The following GUCY1A2 variants were observed in gnomAD, a reference collection of about 807,000 sequenced individuals.
GUCY1A2 encodes the protein guanylate cyclase soluble subunit alpha-2.
A neutral mutation model predicts 63.5 loss-of-function variants in GUCY1A2; 27 were observed. The observed-to-expected ratio is 0.43, with a 90% confidence interval of 0.31 to 0.59. The LOEUF is 0.59. Among genes scored for constraint, GUCY1A2 ranks in the 20% least tolerant of loss-of-function variants. The pLI is 0.11. For missense variants in GUCY1A2, 768 were observed against 913.3 expected (o/e 0.84, Z 2.05); for synonymous variants, 364 against 343.5 (o/e 1.06, Z -0.66).
Position 106,939,929 on chromosome 11 carries a change from A to C in GUCY1A2, c.737T>G (p.Val246Gly). Residue 246 changes from valine (V) to glycine (G), a missense_variant, in exon 4 of 8, where the codon GTG (valine) becomes GGG (glycine). By Grantham distance (109) the Val-to-Gly change is moderately radical. Around this residue, in one of 3 missense-constraint regions of GUCY1A2, gnomAD observed 496 missense variants for 486.9 expected, o/e 1.02. Transcript: ENST00000526355. Reference protein sequence around the residue: ...MLHYFHPHHIVGFAMLGMIKA... With the variant: ...MLHYFHPHHIGGFAMLGMIKA... ...AATCATCCCCAGCATTGCAAACCCCACAATATGGTGAGGGTGGAAGTAGTG... is the reference window on the plus strand; with the variant it reads ...AATCATCCCCAGCATTGCAAACCCCCCAATATGGTGAGGGTGGAAGTAGTG... 6.2e-7 allele frequency: 1 copy of C among 1,613,794 alleles called. No homozygotes were observed. The highest frequency in any genetic ancestry group is 8.5e-7 in the Non-Finnish European group (1 of 1,179,802).
intron 4 of GUCY1A2, among the ~76,000 whole-genome samples, chr11:106,869,821 GCACTAC>G (rs1859648956): frequency 6.6e-6 from 1 of 152,140 alleles, no homozygotes; most frequent in Non-Finnish European, 1.5e-5. Flanking sequence ...GTTTATTGCA[GCACTAC>G]TCACAACAGC....
intron 4 of GUCY1A2, among the ~76,000 whole-genome samples, chr11:106,862,372 A>G (rs1405530424): frequency 6.6e-6 from 1 of 152,026 alleles, no homozygotes; most frequent in African/African-American, 2.4e-5. Context: ...ACAAACAAGG[A>G]GGTTAAATGG....
At chr11:107,017,250 G>A (rs904768527) in intron 1 of GUCY1A2, among the ~76,000 whole-genome samples, 1 of 152,170 alleles carries the variant, frequency 6.6e-6, no homozygotes, top group African/African-American at 2.4e-5. Flanking sequence ...GATAGCCTGT[G>A]GAATTCAAAG....
At chr11:106,910,587 C>T (rs1860280046) in intron 4 of GUCY1A2, among the ~76,000 whole-genome samples, 1 of 151,970 alleles carries the variant, frequency 6.6e-6, no homozygotes, top group African/African-American at 2.4e-5. Flanking sequence ...TAGGCACAGG[C>T]CTATATTCCT....
intron 6 of GUCY1A2, among the ~76,000 whole-genome samples, chr11:106,741,719 G>GA (rs1292569342): frequency 2.6e-5 from 4 of 152,226 alleles, no homozygotes; most frequent in Non-Finnish European, 5.9e-5. Context: ...TGGATATTTA[G>GA]AAAAAAGTTT....
At chr11:106,710,190 A>T (rs1298599030) in intron 6 of GUCY1A2, among the ~76,000 whole-genome samples, 79 of 59,444 alleles carry the variant, frequency 1.3e-3, no homozygotes, top group South Asian at 2.3e-3. Flanking sequence ...TATATATATA[A>T]TATATAGTTA....
intron 4 of GUCY1A2, among the ~76,000 whole-genome samples, chr11:106,864,689 A>G (rs147286963): frequency 6.6e-6 from 1 of 152,038 alleles, no homozygotes; most frequent in Non-Finnish European, 1.5e-5. Flanking sequence ...GTTTTTGTCA[A>G]TGGTTCTGTT....
At chr11:106,863,541 G>C (rs1859544236) in intron 4 of GUCY1A2, among the ~76,000 whole-genome samples, 1 of 152,116 alleles carries the variant, frequency 6.6e-6, no homozygotes, top group African/African-American at 2.4e-5. Context: ...GGTTGCTGTA[G>C]CCTTGTAGTA....
chr11:106,740,932 C>A lies in GUCY1A2; in HGVS notation c.1837-32266G>T, dbSNP rs572775873. Among the ~76,000 whole-genome samples the A allele has an allele frequency of 1.4e-3, 213 of 152,190 alleles. 1 individual carries two copies. The highest frequency in any genetic ancestry group is 5.0e-3 in the African/African-American group (208 of 41,522). Reference sequence around the variant, plus strand: ...AGGTGATCCACCTGTCTTGGCCTCCCAAAGTGCTGGGATTACAAGCATGAG... The same window carrying A: ...AGGTGATCCACCTGTCTTGGCCTCCAAAAGTGCTGGGATTACAAGCATGAG... On this transcript the variant is annotated intron_variant, in intron 6 of 7. Transcript: ENST00000526355.
chr11:106,957,868 T>A, intron 3 of GUCY1A2, among the ~76,000 whole-genome samples: 1 of 75,794 alleles, frequency 1.3e-5, no homozygotes, highest in East Asian at 2.8e-4. Context: ...TTTTTTTTTT[T>A]TTTTTTTTTT....
chr11:106,691,873 A>T (rs1438747069), intron 7 of GUCY1A2, among the ~76,000 whole-genome samples: 1 of 152,194 alleles, frequency 6.6e-6, no homozygotes, highest in East Asian at 1.9e-4. Context: ...TTATTACAGC[A>T]GACTTTGTAG....
At chr11:106,848,703 A>G (rs1032254207) in intron 4 of GUCY1A2, among the ~76,000 whole-genome samples, 2 of 151,636 alleles carry the variant, frequency 1.3e-5, no homozygotes, top group African/African-American at 4.8e-5. Context: ...GACATTCCAA[A>G]AGAATAGCTC....
rs1862450626 is a variant in GUCY1A2, at chr11:106,682,600, G to T, written c.*4949C>A. On this transcript the variant is annotated 3_prime_UTR_variant, in exon 8 of 8. Transcript: ENST00000526355. ...ACCGTGATCTGGTTATAACATATTAGAAATAAAGACACAAACTTTACTTCT... is the reference window on the plus strand; with the variant it reads ...ACCGTGATCTGGTTATAACATATTATAAATAAAGACACAAACTTTACTTCT... 3 of 212,536 alleles carry T rather than the reference G, an allele frequency of 1.4e-5. No homozygotes were observed. The highest frequency in any genetic ancestry group is 1.2e-4 in the Admixed American group (2 of 17,014). 13.2% of individuals were successfully genotyped at this position (212,536 alleles called of 1,614,324 possible). A position where few individuals can be genotyped will look rare whatever the true frequency, so the allele number is the denominator to read the frequency against.
chr11:106,793,541 G>T (rs553160283), intron 5 of GUCY1A2, among the ~76,000 whole-genome samples: 1 of 151,666 alleles, frequency 6.6e-6, no homozygotes, highest in African/African-American at 2.4e-5. Context: ...CAAAAAAAAA[G>T]CAATCAACAT....
At chr11:107,002,389 G>A (rs1162629743) in intron 1 of GUCY1A2, among the ~76,000 whole-genome samples, 1 of 31,804 alleles carries the variant, frequency 3.1e-5, no homozygotes, top group Non-Finnish European at 6.6e-5. Flanking sequence ...ATAAGAACAG[G>A]TGTGTGTGTG....
intron 4 of GUCY1A2, among the ~76,000 whole-genome samples, chr11:106,843,301 G>C (rs1036532217): frequency 9.2e-5 from 14 of 151,908 alleles, no homozygotes; most frequent in African/African-American, 3.4e-4. Flanking sequence ...GGGGGTTGGT[G>C]AGAAATAGAA....
At chr11:106,729,867 T>C (rs113012111) in intron 6 of GUCY1A2, among the ~76,000 whole-genome samples, 119 of 151,694 alleles carry the variant, frequency 7.8e-4, no homozygotes, top group African/African-American at 2.7e-3. Context: ...TAAACCTGTT[T>C]CCTCTCTTGA....
chr11:106,856,434 T>C (rs1859436282), intron 4 of GUCY1A2, among the ~76,000 whole-genome samples: 1 of 152,148 alleles, frequency 6.6e-6, no homozygotes, highest in African/African-American at 2.4e-5. Context: ...CCTTTTTTTT[T>C]CTGAATCTGA....
At chr11:106,904,776 A>T (rs976794215) in intron 4 of GUCY1A2, among the ~76,000 whole-genome samples, 1 of 152,074 alleles carries the variant, frequency 6.6e-6, no homozygotes, top group African/African-American at 2.4e-5. Context: ...TCAAAAAAAA[A>T]CAGAGAGGAG....
Sources: gnomAD v4.1 joint callset for allele counts (sites outside exome capture counted in the v4.1 genomes callset) on GRCh38, gnomAD v4.1.1 for gene constraint, gnomAD v4.1.1 regional missense constraint, MANE v1.5 for transcripts, NCBI Gene and HGNC (gene_info 2026-07-23, HGNC 2026-07-21) for gene names.